NRL: variants seen among roughly 807,000 people sequenced by gnomAD.
NRL encodes neural retina leucine zipper, also known as neural retina-specific leucine zipper protein.
Under a neutral mutation model 12.5 loss-of-function variants are expected in NRL, and 16 were observed. The ratio of observed to expected loss-of-function variants is 1.28; its 90% CI spans 0.87 to 1.95. The LOEUF is 1.95. Among genes scored for constraint, NRL ranks in the 30% most tolerant of loss-of-function variants. NRL has a pLI of 0.00. For missense variants in NRL, 314 were observed against 325.8 expected (o/e 0.96, Z 0.28); for synonymous variants, 142 against 150.9 (o/e 0.94, Z 0.43).
intron 1 of NRL, among the ~76,000 whole-genome samples, chr14:24,104,368 G>A (rs991577709): frequency 5.3e-5 from 8 of 151,544 alleles, no homozygotes; most frequent in Non-Finnish European, 8.8e-5. Flanking sequence ...GGTGGTTCAC[G>A]CCTGTAATCC....
chr14:24,103,637 C>T, intron 1 of NRL: 1 of 1,614,128 alleles, frequency 6.2e-7, no homozygotes, highest in Non-Finnish European at 8.5e-7. Flanking sequence ...TCTTCCATGT[C>T]AACTGGTTCC....
chr14:24,088,327 G>T (rs1334011306), intron 1 of NRL, among the ~76,000 whole-genome samples: 1 of 152,244 alleles, frequency 6.6e-6, no homozygotes, highest in Non-Finnish European at 1.5e-5. Context: ...GAGGTCAAAG[G>T]GTAGACAAGG....
chr14:24,082,807 A>G lies in NRL; in HGVS notation c.42T>C (p.Asn14=), dbSNP rs750789598. ...PPSPLAMEYV[N]DFDLMKFEVK... is the part of the protein sequence containing the mutation. ...CCTCAAACTTCATCAAGTCAAAGTC[A>G]TTGACATATTCCATGGCCAGGGGGC... is the stretch of plus-strand genomic sequence containing the variant. The change falls in exon 2 of 3, where the codon AAT becomes AAC. Residue 14 remains asparagine (N), a synonymous_variant. Transcript: ENST00000561028. 1 of 1,614,134 alleles carries G rather than the reference A, an allele frequency of 6.2e-7. No homozygotes were observed. The highest frequency in any genetic ancestry group is 2.2e-5 in the East Asian group (1 of 44,880).
intron 1 of NRL, chr14:24,097,168 A>G (rs1448716226): frequency 1.2e-6 from 2 of 1,603,500 alleles, no homozygotes; most frequent in Non-Finnish European, 1.7e-6. Context: ...CCTGCAGGAT[A>G]GGTGCACTGA....
chr14:24,105,980 C>G (rs1386476116), intron 1 of NRL, among the ~76,000 whole-genome samples: 2 of 152,218 alleles, frequency 1.3e-5, no homozygotes, highest in Non-Finnish European at 2.9e-5. Context: ...ACCTGGAGAT[C>G]TTGTTAAAAT....
rs115162314 is a variant in NRL at position 24,111,317 on chromosome 14, T to C, written c.-28+3405A>G. Among the ~76,000 whole-genome samples the C allele has an allele frequency of 6.7e-3, 1,017 of 152,206 alleles. 7 individuals carry two copies. The highest frequency in any genetic ancestry group is 0.024 in the African/African-American group (977 of 41,498). ...AGCACTAAATGCTGTTAGAGGAGGA[T>C]TCTTCAGCAGATCAACTACCGGAAG... On this transcript the variant is annotated intron_variant, in intron 1 of 2. Transcript: ENST00000561028.
At chr14:24,099,727 GACTCTCAGATCAT>G in intron 1 of NRL, 1 of 1,610,554 alleles carries the variant, frequency 6.2e-7, no homozygotes, top group Non-Finnish European at 8.5e-7. Context: ...GAAGGTGAGG[GACTCTCAGATCAT>G]ACTCTTGGTT....
chr14:24,102,898 AC>A, intron 1 of NRL: 2 of 1,611,962 alleles, frequency 1.2e-6, no homozygotes, highest in South Asian at 1.1e-5. Context: ...AAGGTAAACA[AC>A]ATATGAGCTC....
At chr14:24,100,137 G>C (rs1402618376) in intron 1 of NRL, 1 of 1,613,708 alleles carries the variant, frequency 6.2e-7, no homozygotes, top group East Asian at 2.2e-5. Context: ...ATGGTGGCGT[G>C]TACTGGGAGG....
chr14:24,107,467 G>A (rs537086729), intron 1 of NRL, among the ~76,000 whole-genome samples: 27 of 100,216 alleles, frequency 2.7e-4, no homozygotes, highest in East Asian at 1.5e-3. Context: ...GCCCCGCCCC[G>A]CCCCGACCCT....
rs1300880246 is a variant in NRL, at chr14:24,082,671, C to T, written c.178G>A (p.Gly60Arg). Residue 60 changes from glycine (G) to arginine (R), a missense_variant, in exon 2 of 3, where the codon GGG becomes AGG. Transcript: ENST00000561028. Reference protein sequence around the residue: ...SPTFSEPGMVGATEGTRPGLE... With the variant: ...SPTFSEPGMVRATEGTRPGLE... ...CCTGGCCGGGTGCCCTCGGTTGCCC[C>T]CACCATGCCTGGTTCACTGAAGGTG... 6.2e-7 allele frequency: 1 copy of T among 1,614,118 alleles called. No individual in the cohort carries two copies. Among genetic ancestry groups the T allele is most frequent in the Admixed American group, 1.7e-5 (1 of 60,034 alleles).
intron 1 of NRL, chr14:24,103,254 A>G: frequency 1.2e-6 from 2 of 1,610,678 alleles, no homozygotes; most frequent in Non-Finnish European, 1.7e-6. Flanking sequence ...CAGAACACAA[A>G]GGTGAGCACC....
At chr14:24,084,556 G>C (rs141065453) in intron 1 of NRL, 10 of 985,358 alleles carry the variant, frequency 1.0e-5, no homozygotes, top group Non-Finnish European at 1.1e-5. Flanking sequence ...CAGTGCCAGA[G>C]CCAGACAGGC....
intron 1 of NRL, among the ~76,000 whole-genome samples, chr14:24,111,385 G>C (rs1215771263): frequency 6.6e-6 from 1 of 151,976 alleles, no homozygotes; most frequent in Non-Finnish European, 1.5e-5. Context: ...TGTTTTTTGT[G>C]TGTGTGTGAC....
chr14:24,083,718 C>A (rs933240201), intron 1 of NRL, among the ~76,000 whole-genome samples: 2 of 152,172 alleles, frequency 1.3e-5, no homozygotes, highest in African/African-American at 2.4e-5. Context: ...TGATTCTGAA[C>A]AATACCTATG....
chr14:24,114,654 A>T, intron 1 of NRL, 68 bp downstream of exon 1: 1 of 983,518 alleles, frequency 1.0e-6, no homozygotes, highest in Middle Eastern at 5.2e-4. Flanking sequence ...CCCCAGCAAG[A>T]GCTAACAGCC....
At chr14:24,103,295 C>T (rs1170985698) in intron 1 of NRL, 2 of 1,494,982 alleles carry the variant, frequency 1.3e-6, no homozygotes, top group South Asian at 2.3e-5. Flanking sequence ...TGTGTGTGCA[C>T]ACAGCACGTC....
intron 1 of NRL, among the ~76,000 whole-genome samples, chr14:24,083,569 T>C (rs766612767): frequency 1.3e-4 from 20 of 152,206 alleles, no homozygotes; most frequent in Admixed American, 3.3e-4. Flanking sequence ...CAGACCAAGA[T>C]TGATTTTCCT....
At chr14:24,099,824 A>G (rs1425646273) in intron 1 of NRL, 4 of 1,507,828 alleles carry the variant, frequency 2.7e-6, no homozygotes, top group South Asian at 1.1e-5. Flanking sequence ...AGTTTCCTGA[A>G]CACCCAACCC....
Sources: allele counts gnomAD v4.1 joint callset (sites outside exome capture counted in the v4.1 genomes callset), GRCh38; gene constraint gnomAD v4.1.1; transcripts MANE v1.5; gene names NCBI Gene and HGNC (gene_info 2026-07-23, HGNC 2026-07-21).